Variants in CLYBL observed in about 807,000 individuals in gnomAD.
The protein encoded by CLYBL is citramalyl-CoA lyase.
Under a neutral mutation model 38.9 loss-of-function variants are expected in CLYBL, and 31 were observed. The ratio of observed to expected loss-of-function variants is 0.80; its 90% CI spans 0.60 to 1.08. The LOEUF is 1.08. CLYBL is among the 50% of genes least tolerant of loss of function. The probability of loss-of-function intolerance (pLI) is 0.00; values close to 1 mark genes in which losing one functional copy is unlikely to be tolerated. For synonymous variants in CLYBL, 171 were observed against 158.6 expected (o/e 1.08, Z -0.59); for missense variants, 434 against 411.6 (o/e 1.05, Z -0.47).
In CLYBL at chr13:99,864,803, T is replaced by C; in HGVS notation, c.541-15T>C. ...GCGTTTCCGTGAGACTTAGTTCTGT[T>C]CTGCTCTTTTACAGGCAGTGTGTGA... On this transcript the variant is annotated splice_polypyrimidine_tract_variant and intron_variant, in intron 4 of 8. Transcript: ENST00000339105. 1.3e-6 allele frequency: 2 copies of C among 1,592,654 alleles called. No individual in the cohort carries two copies. The highest frequency in any genetic ancestry group is 1.3e-5 in the African/African-American group (1 of 74,554).
At chr13:99,889,732 TC>T (rs1257481380) in intron 7 of CLYBL, among the ~76,000 whole-genome samples, 1 of 151,832 alleles carries the variant, frequency 6.6e-6, no homozygotes, top group Non-Finnish European at 1.5e-5. Context: ...TGCTAAGGAT[TC>T]CCCCCATTTT....
chr13:99,614,111 G>C (rs542123264), intron 1 of CLYBL, among the ~76,000 whole-genome samples: 2 of 152,248 alleles, frequency 1.3e-5, no homozygotes, highest in African/African-American at 4.8e-5. Flanking sequence ...GAGGAGGATG[G>C]AGTTGGAGGG....
intron 1 of CLYBL, among the ~76,000 whole-genome samples, chr13:99,697,329 G>A (rs549120741): frequency 8.4e-4 from 128 of 152,276 alleles, no homozygotes; most frequent in Non-Finnish European, 1.3e-3. Flanking sequence ...TCTCGCTTGC[G>A]TCTTCTTTCG....
chr13:99,813,630 A>G lies in CLYBL; in HGVS notation c.249+40620A>G, dbSNP rs77787247. Among the ~76,000 whole-genome samples, 726 of 152,326 alleles carry G rather than the reference A, an allele frequency of 4.8e-3. 9 individuals are homozygous for G. The highest frequency in any genetic ancestry group is 0.017 in the African/African-American group (692 of 41,568). On this transcript the variant is annotated intron_variant, in intron 2 of 8. Transcript: ENST00000339105. ...AACTTACCACTAACTAACTGACTTC[A>G]GCAAGCTTCGGTGTCTTCATCTGTA...
intron 2 of CLYBL, among the ~76,000 whole-genome samples, chr13:99,845,555 G>A (rs1261017521): frequency 6.6e-6 from 1 of 152,236 alleles, no homozygotes. Flanking sequence ...CAAATGCGGT[G>A]CCAGCCACGG....
At chr13:99,866,942 A>T (rs1308538881) in intron 6 of CLYBL, among the ~76,000 whole-genome samples, 4 of 152,040 alleles carry the variant, frequency 2.6e-5, no homozygotes, top group African/African-American at 9.7e-5. Context: ...GGCGACACCT[A>T]CGGGCATAGG....
chr13:99,727,840 G>A (rs187989206), intron 1 of CLYBL, among the ~76,000 whole-genome samples: 26 of 152,252 alleles, frequency 1.7e-4, no homozygotes, highest in Non-Finnish European at 3.2e-4. Flanking sequence ...TACTTTGAGA[G>A]GCCGAGGTGG....
chr13:99,865,026 C>T lies in CLYBL; in HGVS notation c.634+115C>T. The T allele has an allele frequency of 2.5e-6, 2 of 793,014 alleles. No homozygotes were observed. Among genetic ancestry groups the T allele is most frequent in the Non-Finnish European group, 4.5e-6 (2 of 449,436 alleles). The allele number at this position is 793,014 out of a possible 1,614,324, so 49.1% of individuals were successfully genotyped here. On this transcript the variant is annotated intron_variant, in intron 5 of 8. Transcript: ENST00000339105. The surrounding 1 kb of genome is among the most constrained non-coding windows in gnomAD (Gnocchi z 4.7). ...TTACATAACAATGTATATTTGCCAACCATGACAATGGTTTTTCATGACAAT... is the reference window on the plus strand; with the variant it reads ...TTACATAACAATGTATATTTGCCAATCATGACAATGGTTTTTCATGACAAT...
chr13:99,672,192 TTTTTTTTTTC>T, intron 1 of CLYBL, among the ~76,000 whole-genome samples: 1 of 80,084 alleles, frequency 1.2e-5, no homozygotes, highest in East Asian at 9.9e-4. Context: ...GGGAATTTCT[TTTTTTTTTTC>T]TTTTTTTTTT....
intron 1 of CLYBL, among the ~76,000 whole-genome samples, chr13:99,697,670 T>C (rs2048000550): frequency 6.6e-6 from 1 of 150,480 alleles, no homozygotes; most frequent in Non-Finnish European, 1.5e-5. Context: ...TCTTTTTTTT[T>C]TTTTTTGAGA....
At chr13:99,642,226 C>T (rs2047106463) in intron 1 of CLYBL, among the ~76,000 whole-genome samples, 1 of 152,172 alleles carries the variant, frequency 6.6e-6, no homozygotes, top group African/African-American at 2.4e-5. Context: ...TGCATGCTGA[C>T]TCTTCAGTGC....
intron 1 of CLYBL, among the ~76,000 whole-genome samples, chr13:99,638,070 T>C (rs2047047415): frequency 6.9e-6 from 1 of 144,340 alleles, no homozygotes; most frequent in Non-Finnish European, 1.5e-5. Flanking sequence ...CTCCAGTGAG[T>C]CTCCTACCTT....
At chr13:99,784,979 C>A (rs1421535392) in intron 2 of CLYBL, among the ~76,000 whole-genome samples, 1 of 151,576 alleles carries the variant, frequency 6.6e-6, no homozygotes, top group Admixed American at 6.6e-5. Context: ...GCGACCTCCG[C>A]CTCTCTGGTT....
chr13:99,755,259 C>G (rs775033079), intron 1 of CLYBL, among the ~76,000 whole-genome samples: 22 of 152,164 alleles, frequency 1.4e-4, no homozygotes, highest in Non-Finnish European at 2.4e-4. Context: ...TTTTCTGGGC[C>G]ACAGGGGGCC....
chr13:99,904,770 G>A (rs1359274306), intron 8 of CLYBL, among the ~76,000 whole-genome samples: 1 of 152,172 alleles, frequency 6.6e-6, no homozygotes, highest in Admixed American at 6.5e-5. Context: ...GAAAATGAAG[G>A]CAAAGACGTC....
At chr13:99,612,185 ATTTT>A (rs1236660967) in intron 1 of CLYBL, among the ~76,000 whole-genome samples, 1 of 151,294 alleles carries the variant, frequency 6.6e-6, no homozygotes, top group Non-Finnish European at 1.5e-5. Context: ...TCTGTTTTTT[ATTTT>A]ATCACCTGGC....
intron 7 of CLYBL, among the ~76,000 whole-genome samples, chr13:99,882,676 GAAT>G (rs542855681): frequency 1.9e-3 from 293 of 151,578 alleles, no homozygotes; most frequent in South Asian, 3.8e-3. Flanking sequence ...AAAAAAAAAA[GAAT>G]ATTTTGTAAT....
chr13:99,763,495 C>A (rs1417840317), intron 1 of CLYBL, among the ~76,000 whole-genome samples: 2 of 150,392 alleles, frequency 1.3e-5, no homozygotes, highest in Non-Finnish European at 3.0e-5. Context: ...GTTGGATCAT[C>A]CTCGCATCCC....
At chr13:99,606,976 TAC>T (rs964438149) in intron 1 of CLYBL, among the ~76,000 whole-genome samples, 89 of 152,228 alleles carry the variant, frequency 5.8e-4, no homozygotes, top group Middle Eastern at 6.8e-3. Context: ...GGAAAATGGG[TAC>T]ACACCTTAGG....
Sources: gnomAD v4.1 joint callset for allele counts (sites outside exome capture counted in the v4.1 genomes callset) on GRCh38, gnomAD v4.1.1 for gene constraint, Gnocchi (gnomAD v3.1) non-coding constraint, MANE v1.5 for transcripts, NCBI Gene and HGNC (gene_info 2026-07-23, HGNC 2026-07-21) for gene names.